Variants in DGKG observed in about 807,000 individuals in gnomAD.
DGKG encodes the protein DAG kinase gamma.
Under a neutral mutation model 105.3 loss-of-function variants are expected in DGKG, and 78 were observed. The observed-to-expected ratio is 0.74, with a 90% CI of 0.62 to 0.89. DGKG has a LOEUF of 0.89. DGKG is among the 40% of genes least tolerant of loss of function. DGKG has a pLI of 0.00. For missense variants in DGKG, 958 were observed against 1,020.1 expected (o/e 0.94, Z 0.83); for synonymous variants, 346 against 367.1 (o/e 0.94, Z 0.66).
At chr3:186,320,077 G>A (rs1725007334) in intron 2 of DGKG, among the ~76,000 whole-genome samples, 2 of 152,210 alleles carry the variant, frequency 1.3e-5, no homozygotes. Flanking sequence ...TACAGTGTGA[G>A]CTCAACGGTG....
At chr3:186,275,810 CAA>C in intron 9 of DGKG, 146 bp from the exon 10 acceptor site, 1 of 564,410 alleles carries the variant, frequency 1.8e-6, no homozygotes, top group Non-Finnish European at 3.0e-6. Flanking sequence ...CAAATAAAAA[CAA>C]AATTTTTGTG....
chr3:186,227,959 T>G (rs1406495529), intron 20 of DGKG, among the ~76,000 whole-genome samples: 2 of 152,178 alleles, frequency 1.3e-5, no homozygotes, highest in African/African-American at 4.8e-5. Context: ...TCTGAAGTTT[T>G]AATTAGTAAA....
chr3:186,195,146 G>T (rs1037819711), intron 21 of DGKG, among the ~76,000 whole-genome samples: 23 of 152,106 alleles, frequency 1.5e-4, no homozygotes, highest in African/African-American at 5.5e-4. Context: ...AGGGAAAGCA[G>T]AGAGTATAAT....
At chr3:186,286,879 C>T (rs1205356557) in intron 6 of DGKG, among the ~76,000 whole-genome samples, 2 of 151,912 alleles carry the variant, frequency 1.3e-5, no homozygotes, top group Admixed American at 1.3e-4. Flanking sequence ...ACCAAAAATA[C>T]AAAAAGTAGC....
chr3:186,285,145 T>G (rs1159592972), intron 6 of DGKG, among the ~76,000 whole-genome samples: 1 of 152,186 alleles, frequency 6.6e-6, no homozygotes, highest in African/African-American at 2.4e-5. Context: ...ACAAGTTACT[T>G]AACTTCTTTG....
intron 9 of DGKG, among the ~76,000 whole-genome samples, chr3:186,277,511 G>A (rs1274147778): frequency 1.3e-5 from 2 of 152,214 alleles, no homozygotes; most frequent in Admixed American, 6.5e-5. Flanking sequence ...GGGTTTTCCT[G>A]TATGGGTAGA....
intron 20 of DGKG, among the ~76,000 whole-genome samples, chr3:186,240,168 A>T (rs573325502): frequency 2.6e-5 from 4 of 152,084 alleles, no homozygotes; most frequent in Non-Finnish European, 4.4e-5. Context: ...ATCTTTTCGT[A>T]CATTTGCTTC....
chr3:186,274,113 A>T (rs1217761075), intron 10 of DGKG, among the ~76,000 whole-genome samples: 1 of 152,196 alleles, frequency 6.6e-6, no homozygotes, highest in Non-Finnish European at 1.5e-5. Context: ...ACTTTACTAA[A>T]GGAATTAAAA....
rs1285297494 is a variant in DGKG, at chr3:186,156,099, T to C, written c.2277+5504A>G. Reference sequence around the variant, plus strand: ...TTGCAAACATCTTGTCCTTAGTCTTTCGAAGATTCTATATTGATTTTTGAC... The same window carrying C: ...TTGCAAACATCTTGTCCTTAGTCTTCCGAAGATTCTATATTGATTTTTGAC... On this transcript the variant is annotated intron_variant, in intron 24 of 24. Coordinates refer to ENST00000265022, the MANE Select transcript of DGKG (RefSeq NM_001346.3). 2.6e-5 allele frequency among the ~76,000 whole-genome samples: 4 copies of C among 152,298 alleles called. No individual in the cohort carries two copies. The South Asian group carries it at 6.2e-4, about 24-fold the overall frequency.
At chr3:186,252,742 G>A (rs1251280716) in intron 18 of DGKG, among the ~76,000 whole-genome samples, 1 of 152,182 alleles carries the variant, frequency 6.6e-6, no homozygotes, top group East Asian at 1.9e-4. Context: ...ATCTAAGTGA[G>A]CACCTTCTTG....
chr3:186,230,094 C>T (rs988154755), intron 20 of DGKG, among the ~76,000 whole-genome samples: 19 of 152,124 alleles, frequency 1.2e-4, no homozygotes, highest in African/African-American at 4.6e-4. Flanking sequence ...CCCGTCTCTA[C>T]TAAAAATAAA....
intron 7 of DGKG, among the ~76,000 whole-genome samples, chr3:186,281,413 G>A (rs1722823561): frequency 6.6e-6 from 1 of 152,186 alleles, no homozygotes; most frequent in South Asian, 2.1e-4. Context: ...ATGAGTCAGT[G>A]TTCTGAGAGC....
chr3:186,166,669 G>C (rs1308064934), intron 22 of DGKG, among the ~76,000 whole-genome samples: 1 of 151,900 alleles, frequency 6.6e-6, no homozygotes, highest in Non-Finnish European at 1.5e-5. Context: ...AAGACAGAGA[G>C]AAGGAGGAGG....
intron 20 of DGKG, among the ~76,000 whole-genome samples, chr3:186,217,638 A>C (rs1719360460): frequency 1.3e-5 from 2 of 152,256 alleles, no homozygotes; most frequent in Non-Finnish European, 2.9e-5. Flanking sequence ...TCAGCAATTT[A>C]GGGCTGAAAT....
At chr3:186,249,764 C>T (rs767400081) in intron 19 of DGKG, among the ~76,000 whole-genome samples, 91 of 152,196 alleles carry the variant, frequency 6.0e-4, no homozygotes, top group Admixed American at 1.2e-3. Context: ...ACCTGGGAAG[C>T]GGAGGTTTCA....
chr3:186,307,681 G>A (rs956694238), intron 2 of DGKG, among the ~76,000 whole-genome samples: 21 of 152,192 alleles, frequency 1.4e-4, no homozygotes, highest in Admixed American at 5.2e-4. Context: ...AAGGTCTGAC[G>A]TGTAACTAGG....
intron 8 of DGKG, among the ~76,000 whole-genome samples, chr3:186,280,360 C>G (rs1722774679): frequency 6.6e-6 from 1 of 152,226 alleles, no homozygotes; most frequent in East Asian, 1.9e-4. Context: ...AGGAAGATCT[C>G]TACAATTCTT....
At chr3:186,326,453 C>T (rs1161743823) in intron 1 of DGKG, among the ~76,000 whole-genome samples, 2 of 151,248 alleles carry the variant, frequency 1.3e-5, no homozygotes, top group Non-Finnish European at 2.9e-5. Context: ...CCTCATCTCT[C>T]TCTCTCTCTC....
At chr3:186,151,753 G>A (rs1490616349) in intron 24 of DGKG, among the ~76,000 whole-genome samples, 1 of 152,164 alleles carries the variant, frequency 6.6e-6, no homozygotes, top group African/African-American at 2.4e-5. Flanking sequence ...GGTGAGCTGG[G>A]GTAGTGAGTG....
Sources: gnomAD v4.1 joint callset for allele counts (sites outside exome capture counted in the v4.1 genomes callset) on GRCh38, gnomAD v4.1.1 for gene constraint, MANE v1.5 for transcripts, NCBI Gene and HGNC (gene_info 2026-07-23, HGNC 2026-07-21) for gene names.